Variants in BSDC1 observed in about 807,000 individuals in gnomAD.
The protein encoded by BSDC1 is BSD domain containing 1.
A neutral mutation model predicts 56.0 loss-of-function variants in BSDC1; 29 were observed. The observed-to-expected ratio is 0.52, with a 90% CI of 0.39 to 0.71. BSDC1 has a LOEUF of 0.71. BSDC1 is among the 30% of genes least tolerant of loss of function. BSDC1 has a pLI of 0.00. For synonymous variants in BSDC1, 210 were observed against 215.3 expected (o/e 0.98, Z 0.21); for missense variants, 477 against 548.5 (o/e 0.87, Z 1.30).
At chr1:32,389,140 G>C (rs1037744736) in intron 2 of BSDC1, among the ~76,000 whole-genome samples, 5 of 152,140 alleles carry the variant, frequency 3.3e-5, no homozygotes, top group African/African-American at 9.6e-5. Flanking sequence ...ATTTTTAGTA[G>C]AGACGGGATT....
chr1:32,380,393 C>A (rs1326321083), intron 5 of BSDC1, among the ~76,000 whole-genome samples: 2 of 152,120 alleles, frequency 1.3e-5, no homozygotes, highest in Non-Finnish European at 2.9e-5. Context: ...GCCTGTAATC[C>A]CTGCATTTTT....
At position 32,378,386 on chromosome 1, in the gene BSDC1, C is replaced by CA. The variant is rs1304464081; in HGVS notation, c.529-104dup. The CA allele has an allele frequency of 8.7e-7, 1 of 1,147,220 alleles. No individual in the cohort carries two copies. Among genetic ancestry groups the CA allele is most frequent in the Non-Finnish European group, 1.3e-6 (1 of 774,464 alleles). 71.1% of individuals were successfully genotyped at this position (1,147,220 alleles called of 1,614,324 possible). On this transcript the variant is annotated intron_variant, in intron 6 of 10. Transcript: ENST00000455895. The surrounding 1 kb of genome is among the most constrained non-coding windows in gnomAD (Gnocchi z 5.2). ...TCCCAGCCAGTCTGGATTTCAGACCCAGTAAGTGGCTTAGCAGTGACAGTC... is the reference window on the plus strand; with the variant it reads ...TCCCAGCCAGTCTGGATTTCAGACCCAAGTAAGTGGCTTAGCAGTGACAGTC...
At chr1:32,367,386 G>A (rs953439025) in intron 10 of BSDC1, 1 of 985,460 alleles carries the variant, frequency 1.0e-6, no homozygotes, top group Non-Finnish European at 1.2e-6. Flanking sequence ...GGCTTTCTCT[G>A]TCCTGGGTAT....
intron 2 of BSDC1, among the ~76,000 whole-genome samples, chr1:32,392,168 T>C (rs571963224): frequency 3.0e-4 from 46 of 151,736 alleles, no homozygotes; most frequent in African/African-American, 1.0e-3. Flanking sequence ...CCTGTCTCTA[T>C]TGAAAATAGA....
At chr1:32,387,633 G>A (rs1038074484) in intron 2 of BSDC1, among the ~76,000 whole-genome samples, 1 of 152,180 alleles carries the variant, frequency 6.6e-6, no homozygotes, top group East Asian at 1.9e-4. Flanking sequence ...GAGCCACCCA[G>A]CCTAAGGCAT....
chr1:32,375,045 G>A (rs1449343025), intron 9 of BSDC1, among the ~76,000 whole-genome samples: 5 of 152,088 alleles, frequency 3.3e-5, no homozygotes, highest in African/African-American at 1.2e-4. Context: ...CCAGCTACTC[G>A]GGAGGCTGAG....
intron 8 of BSDC1, 82 bp downstream of exon 8, chr1:32,377,888 T>C (rs1222456095): frequency 7.3e-7 from 1 of 1,376,106 alleles, no homozygotes; most frequent in Non-Finnish European, 1.0e-6. Flanking sequence ...ACCAAGTCTC[T>C]CCAGGCTTCA....
intron 2 of BSDC1, among the ~76,000 whole-genome samples, chr1:32,392,896 T>C (rs747335295): frequency 3.3e-5 from 5 of 152,162 alleles, no homozygotes; most frequent in Non-Finnish European, 2.9e-5. Flanking sequence ...AAACCCTGTC[T>C]CTACTAAAAA....
Position 32,378,603 on chromosome 1 carries a change from C to T in BSDC1, c.528+121G>A. On this transcript the variant is annotated intron_variant, in intron 6 of 10. Coordinates refer to ENST00000455895, the MANE Select transcript of BSDC1 (RefSeq NM_018045.8). The surrounding 1 kb of genome is among the most constrained non-coding windows in gnomAD (Gnocchi z 5.2). ...GGCTCAGGACACAGCTGGTCTGGCT[C>T]TATGGAGCCTCCCAGTGCTCTCCGG... is the stretch of plus-strand genomic sequence containing the variant. 1 of 744,620 alleles carries T rather than the reference C, an allele frequency of 1.3e-6. No individual in the cohort carries two copies. The highest frequency in any genetic ancestry group is 2.2e-6 in the Non-Finnish European group (1 of 460,850). The allele number at this position is 744,620 out of a possible 1,614,324, so 46.1% of individuals were successfully genotyped here.
At chr1:32,384,933 G>A (rs1214096465) in intron 3 of BSDC1, among the ~76,000 whole-genome samples, 1 of 152,156 alleles carries the variant, frequency 6.6e-6, no homozygotes, top group Non-Finnish European at 1.5e-5. Flanking sequence ...AGTTTAGCAG[G>A]GTTACAACTT....
Position 32,378,606 on chromosome 1 carries a change from T to C in BSDC1, c.528+118A>G, listed in dbSNP as rs1294228388. ...TCAGGACACAGCTGGTCTGGCTCTA[T>C]GGAGCCTCCCAGTGCTCTCCGGGCC... On this transcript the variant is annotated intron_variant, in intron 6 of 10. Coordinates refer to ENST00000455895, the MANE Select transcript of BSDC1 (RefSeq NM_018045.8). The surrounding 1 kb of genome is among the most constrained non-coding windows in gnomAD (Gnocchi z 5.2). 2.6e-6 allele frequency: 2 copies of C among 755,170 alleles called. No homozygotes were observed. Among genetic ancestry groups the C allele is most frequent in the African/African-American group, 1.8e-5 (1 of 56,484 alleles). 46.8% of individuals were successfully genotyped at this position (755,170 alleles called of 1,614,324 possible).
At chr1:32,380,329 C>T (rs933242014) in intron 5 of BSDC1, among the ~76,000 whole-genome samples, 3 of 152,162 alleles carry the variant, frequency 2.0e-5, no homozygotes, top group Non-Finnish European at 4.4e-5. Flanking sequence ...GTGAAACTAG[C>T]TGATTTCTAA....
intron 9 of BSDC1, among the ~76,000 whole-genome samples, chr1:32,371,513 T>C (rs1642085832): frequency 6.6e-6 from 1 of 151,948 alleles, no homozygotes; most frequent in South Asian, 2.1e-4. Context: ...GGTTTCACCG[T>C]GTTAGCCAGG....
chr1:32,380,232 C>G (rs1264294068), intron 5 of BSDC1, among the ~76,000 whole-genome samples: 2 of 152,228 alleles, frequency 1.3e-5, no homozygotes, highest in Non-Finnish European at 2.9e-5. Context: ...TCATACGCAC[C>G]CTTTAACCCG....
rs148864808 is a variant in BSDC1 at position 32,386,722 on chromosome 1, C to G, written c.189+57G>C. On this transcript the variant is annotated intron_variant, in intron 3 of 10. Coordinates refer to ENST00000455895, the MANE Select transcript of BSDC1 (RefSeq NM_018045.8). Reference sequence around the variant, plus strand: ...ACTTAATGGTAGAAAGGTTGGGAGCCCAGGACAGGACAGGTTGCGAGGGGC... The same window carrying G: ...ACTTAATGGTAGAAAGGTTGGGAGCGCAGGACAGGACAGGTTGCGAGGGGC... 726 of 1,330,674 alleles carry G rather than the reference C, an allele frequency of 5.5e-4. 2 individuals are homozygous for G. The African/African-American group carries it at 9.6e-3, about 18-fold the overall frequency. 82.4% of individuals were successfully genotyped at this position (1,330,674 alleles called of 1,614,324 possible). A position where few individuals can be genotyped will look rare whatever the true frequency, so the allele number is the denominator to read the frequency against.
chr1:32,379,792 C>T (rs1429233021), intron 5 of BSDC1, among the ~76,000 whole-genome samples: 1 of 152,180 alleles, frequency 6.6e-6, no homozygotes, highest in African/African-American at 2.4e-5. Flanking sequence ...CTCTTCATGC[C>T]AACTGACTCT....
intron 1 of BSDC1, 91 bp downstream of exon 1, chr1:32,394,313 G>T: frequency 6.2e-7 from 1 of 1,603,600 alleles, no homozygotes; most frequent in South Asian, 1.1e-5. Flanking sequence ...CGCCCCCGCT[G>T]ATCTCACGTT....
chr1:32,389,447 G>A (rs1441565050), intron 2 of BSDC1, among the ~76,000 whole-genome samples: 1 of 152,208 alleles, frequency 6.6e-6, no homozygotes, highest in African/African-American at 2.4e-5. Flanking sequence ...TGACTAAACA[G>A]TTGTCTTCCC....
intron 9 of BSDC1, among the ~76,000 whole-genome samples, chr1:32,370,886 T>C (rs1295431985): frequency 6.6e-6 from 1 of 151,306 alleles, no homozygotes; most frequent in East Asian, 1.9e-4. Context: ...GCTTTCATGC[T>C]GCAAGAGCGG....
Sources: gnomAD v4.1 joint callset for allele counts (sites outside exome capture counted in the v4.1 genomes callset) on GRCh38, gnomAD v4.1.1 for gene constraint, Gnocchi (gnomAD v3.1) non-coding constraint, MANE v1.5 for transcripts, NCBI Gene and HGNC (gene_info 2026-07-23, HGNC 2026-07-21) for gene names.